DCAF6: variants seen among roughly 807,000 people sequenced by gnomAD.
The protein encoded by DCAF6 is DDB1 and CUL4 associated factor 6.
DCAF6 carries 54 observed loss-of-function variants against 125.1 expected under a neutral mutation model. The observed-to-expected ratio is 0.43, with a 90% CI of 0.35 to 0.54. The LOEUF is 0.54. DCAF6 is among the 20% of genes least tolerant of loss of function. The pLI is 0.01. For missense variants in DCAF6, 934 were observed against 1,161.7 expected (o/e 0.80, Z 2.85); for synonymous variants, 371 against 390.4 (o/e 0.95, Z 0.58).
intron 2 of DCAF6, among the ~76,000 whole-genome samples, chr1:167,958,910 C>T (rs115859007): frequency 1.3e-5 from 2 of 152,172 alleles, no homozygotes; most frequent in East Asian, 1.9e-4. Context: ...CCATAGTTTA[C>T]AATAGGGCTC....
intron 2 of DCAF6, among the ~76,000 whole-genome samples, chr1:167,955,825 A>G (rs990124730): frequency 2.6e-5 from 4 of 152,176 alleles, no homozygotes; most frequent in Admixed American, 6.5e-5. Flanking sequence ...CAGTGGCACA[A>G]TCATAGCTCA....
chr1:167,974,296 A>C (rs115171490), intron 3 of DCAF6, among the ~76,000 whole-genome samples: 3 of 152,148 alleles, frequency 2.0e-5, no homozygotes, highest in Non-Finnish European at 4.4e-5. Context: ...TCTGCAACAA[A>C]TTATACAAAT....
chr1:168,042,851 T>C (rs773444009), intron 13 of DCAF6, 174 bp from the exon 14 acceptor site: 2 of 520,930 alleles, frequency 3.8e-6, no homozygotes, highest in African/African-American at 1.9e-5. Context: ...AAGTGTGTTA[T>C]GATAGTCATC....
the DCAF6 span, among the ~76,000 whole-genome samples, chr1:167,928,986 T>C: frequency 6.6e-6 from 1 of 152,252 alleles, no homozygotes; most frequent in South Asian, 2.1e-4. Flanking sequence ...TCATCTTGTT[T>C]CTTTGAACAG....
At chr1:167,931,377 G>A (rs1670905079), upstream of DCAF6, among the ~76,000 whole-genome samples, 1 of 151,874 alleles carries the variant, frequency 6.6e-6, no homozygotes, top group Non-Finnish European at 1.5e-5. Context: ...CAACCTTCTT[G>A]GTAGCTGATT....
chr1:167,888,014 C>T, the DCAF6 span, among the ~76,000 whole-genome samples: 1 of 152,252 alleles, frequency 6.6e-6, no homozygotes, highest in East Asian at 1.9e-4. Flanking sequence ...ATCCAGTTTT[C>T]CCAGCACAAT....
intron 3 of DCAF6, among the ~76,000 whole-genome samples, chr1:167,969,889 G>A (rs1677031842): frequency 6.6e-6 from 1 of 152,192 alleles, no homozygotes; most frequent in African/African-American, 2.4e-5. Context: ...AGTTTCTCCT[G>A]CCTCAGCCTT....
At chr1:168,045,860 A>G (rs1045035317) in intron 16 of DCAF6, among the ~76,000 whole-genome samples, 4 of 152,144 alleles carry the variant, frequency 2.6e-5, no homozygotes, top group African/African-American at 9.7e-5. Flanking sequence ...TTTAAAGTAT[A>G]CTGCATTTCA....
upstream of DCAF6, among the ~76,000 whole-genome samples, chr1:167,932,768 C>T (rs1285993541): frequency 5.6e-5 from 8 of 143,642 alleles, no homozygotes; most frequent in Non-Finnish European, 8.9e-5. Flanking sequence ...CAGATCACAC[C>T]ACTGCACTCC....
chr1:167,935,655 T>A, upstream of DCAF6: 1 of 1,230,816 alleles, frequency 8.1e-7, no homozygotes, highest in Non-Finnish European at 1.2e-6. Flanking sequence ...GAGGCAGTTG[T>A]CAGAGGGCCT....
the DCAF6 span, among the ~76,000 whole-genome samples, chr1:167,907,129 G>C: frequency 1.3e-5 from 2 of 152,268 alleles, no homozygotes; most frequent in South Asian, 4.1e-4. Flanking sequence ...GATACTGAAA[G>C]AACTGACAGG....
intron 7 of DCAF6, among the ~76,000 whole-genome samples, chr1:167,993,717 C>G (rs1488183075): frequency 6.6e-6 from 1 of 152,078 alleles, no homozygotes; most frequent in Non-Finnish European, 1.5e-5. Context: ...CCATCGCACT[C>G]CAGCCTGGGC....
intron 10 of DCAF6, among the ~76,000 whole-genome samples, chr1:168,011,268 A>G (rs979493220): frequency 6.6e-6 from 1 of 151,968 alleles, no homozygotes; most frequent in African/African-American, 2.4e-5. Context: ...GGCACATGCC[A>G]CCATGTCTGG....
chr1:167,885,301 A>G, the DCAF6 span, among the ~76,000 whole-genome samples: 1 of 152,176 alleles, frequency 6.6e-6, no homozygotes, highest in Non-Finnish European at 1.5e-5. Flanking sequence ...TTGAGTATGT[A>G]TCTAGGAGTA....
chr1:167,919,280 T>G, the DCAF6 span, among the ~76,000 whole-genome samples: 1 of 152,166 alleles, frequency 6.6e-6, no homozygotes, highest in African/African-American at 2.4e-5. Flanking sequence ...AGTCTTTCCT[T>G]CCCTTCTACC....
chr1:168,045,250 T>G (rs902329089), intron 16 of DCAF6, 23 bp downstream of exon 16: 2 of 1,557,430 alleles, frequency 1.3e-6, no homozygotes. Context: ...TTAATTAACA[T>G]GAACTGTAAA....
In DCAF6 at chr1:168,004,773, A is replaced by G; in HGVS notation, c.1358A>G (p.His453Arg). 1 of 1,613,886 alleles carries G rather than the reference A, an allele frequency of 6.2e-7. No individual in the cohort carries two copies. The highest frequency in any genetic ancestry group is 1.3e-5 in the African/African-American group (1 of 75,030). ...AGGCAGTCTGTTGAGGCATCTGGAC[A>G]CCACACACATCATCAGTCTGGTGAG... The part of the protein sequence containing the change: ...EQRQSVEASG[H>R]HTHHQSEFLR... Residue 453 changes from histidine (H) to arginine (R), a missense_variant, in exon 10 of 22, where the codon CAC becomes CGC. His to Arg is a conservative substitution (Grantham distance 29). Transcript: ENST00000367840.
chr1:168,037,742 G>T (rs548573766), intron 12 of DCAF6, among the ~76,000 whole-genome samples: 1 of 152,156 alleles, frequency 6.6e-6, no homozygotes, highest in South Asian at 2.1e-4. Context: ...CAAATTCCTT[G>T]CAAGATTAGT....
chr1:168,033,151 G>A (rs1687325244), intron 12 of DCAF6, among the ~76,000 whole-genome samples: 1 of 152,014 alleles, frequency 6.6e-6, no homozygotes, highest in Admixed American at 6.6e-5. Context: ...TAGTTACTTT[G>A]TGATTCTTAT....
Sources: allele counts gnomAD v4.1 joint callset (sites outside exome capture counted in the v4.1 genomes callset), GRCh38; gene constraint gnomAD v4.1.1; transcripts MANE v1.5; gene names NCBI Gene and HGNC (gene_info 2026-07-23, HGNC 2026-07-21).